The following GALNT10 variants were observed in gnomAD, a reference collection of about 807,000 sequenced individuals.
The protein encoded by GALNT10 is polypeptide N-acetylgalactosaminyltransferase 10.
In GALNT10, 41 loss-of-function variants were observed where a neutral mutation model predicts 75.0. The observed-to-expected ratio is 0.55, with a 90% CI of 0.43 to 0.71. The LOEUF (loss-of-function observed/expected upper bound fraction) is 0.71, where lower values mean the gene tolerates loss of function less well. Ranked by LOEUF, GALNT10 falls within the 30% of genes least tolerant of loss-of-function variation. GALNT10 has a pLI of 0.00. For missense variants in GALNT10, 727 were observed against 818.5 expected (o/e 0.89, Z 1.36); for synonymous variants, 302 against 313.0 (o/e 0.96, Z 0.37).
At chr5:154,253,985 C>T (rs905539444) in intron 1 of GALNT10, among the ~76,000 whole-genome samples, 5 of 152,268 alleles carry the variant, frequency 3.3e-5, no homozygotes, top group East Asian at 3.9e-4. Flanking sequence ...TACACTCACC[C>T]ATTACTGCAT....
At chr5:154,273,591 A>C (rs1027973242) in intron 1 of GALNT10, among the ~76,000 whole-genome samples, 1 of 152,168 alleles carries the variant, frequency 6.6e-6, no homozygotes, top group African/African-American at 2.4e-5. Context: ...CAGTTTGTTT[A>C]TTAAAAAATC....
At chr5:154,354,006 T>A (rs1486888131) in intron 4 of GALNT10, among the ~76,000 whole-genome samples, 1 of 152,224 alleles carries the variant, frequency 6.6e-6, no homozygotes, top group Non-Finnish European at 1.5e-5. Flanking sequence ...AATTAATGAA[T>A]AGGTATGAGA....
intron 3 of GALNT10, among the ~76,000 whole-genome samples, chr5:154,321,631 G>A (rs735180): frequency 0.73 from 110,812 of 151,994 alleles, 40,843 homozygotes; most frequent in Admixed American, 0.83. Context: ...GCCACCCCCA[G>A]AACTTGTTAC....
chr5:154,359,386 G>A (rs979855355), intron 4 of GALNT10, among the ~76,000 whole-genome samples: 12 of 152,058 alleles, frequency 7.9e-5, no homozygotes, highest in African/African-American at 1.2e-4. Context: ...TGCTCAGCCC[G>A]ATTTTGATGG....
At chr5:154,225,103 T>G (rs1407757475) in intron 1 of GALNT10, among the ~76,000 whole-genome samples, 1 of 148,518 alleles carries the variant, frequency 6.7e-6, no homozygotes, top group Non-Finnish European at 1.5e-5. Context: ...TTTTTGTTTG[T>G]TTTTTTTTAG....
At chr5:154,345,110 A>G (rs1755100424) in intron 4 of GALNT10, among the ~76,000 whole-genome samples, 1 of 152,178 alleles carries the variant, frequency 6.6e-6, no homozygotes, top group Admixed American at 6.5e-5. Context: ...CTGACTTAAT[A>G]TAATGAGCCA....
At chr5:154,288,059 C>T (rs1754139306) in intron 1 of GALNT10, among the ~76,000 whole-genome samples, 1 of 151,942 alleles carries the variant, frequency 6.6e-6, no homozygotes, top group Admixed American at 6.6e-5. Flanking sequence ...CATTTCATTG[C>T]CTTTGTAGGG....
At chr5:154,263,839 C>T (rs889659710) in intron 1 of GALNT10, among the ~76,000 whole-genome samples, 7 of 152,026 alleles carry the variant, frequency 4.6e-5, no homozygotes, top group African/African-American at 1.7e-4. Context: ...ATATGAATTC[C>T]AGAGGGGACA....
chr5:154,200,825 A>G (rs1476308388), intron 1 of GALNT10, among the ~76,000 whole-genome samples: 1 of 152,218 alleles, frequency 6.6e-6, no homozygotes, highest in African/African-American at 2.4e-5. Flanking sequence ...CCTGTGGGCC[A>G]GATGCAGCCC....
At chr5:154,262,268 A>T (rs1753710346) in intron 1 of GALNT10, among the ~76,000 whole-genome samples, 1 of 152,116 alleles carries the variant, frequency 6.6e-6, no homozygotes, top group African/African-American at 2.4e-5. Flanking sequence ...CAATGCAGGG[A>T]ATTTGGCTAA....
chr5:154,228,767 G>A (rs1479139238), intron 1 of GALNT10, among the ~76,000 whole-genome samples: 1 of 152,234 alleles, frequency 6.6e-6, no homozygotes, highest in African/African-American at 2.4e-5. Flanking sequence ...TGTTCTCTGT[G>A]TCCTGTGTTC....
chr5:154,191,442 C>A (rs1358179522), intron 1 of GALNT10, among the ~76,000 whole-genome samples: 12 of 144,902 alleles, frequency 8.3e-5, no homozygotes, highest in African/African-American at 2.4e-4. Flanking sequence ...CCCACCCCCC[C>A]CCCCCCACAA....
rs1754310261 is a variant in GALNT10 at position 154,298,204 on chromosome 5, T to A, written c.401+125T>A. 1 of 848,050 alleles carries A rather than the reference T, an allele frequency of 1.2e-6. No homozygotes were observed. Among genetic ancestry groups the A allele is most frequent in the Non-Finnish European group, 1.9e-6 (1 of 523,734 alleles). 52.5% of individuals were successfully genotyped at this position (848,050 alleles called of 1,614,324 possible). A position where few individuals can be genotyped will look rare whatever the true frequency, so the allele number is the denominator to read the frequency against. On this transcript the variant is annotated intron_variant, in intron 3 of 11. Coordinates refer to ENST00000297107, the MANE Select transcript of GALNT10 (RefSeq NM_198321.4). This position sits in a 1 kb window ranked among gnomAD's most constrained non-coding sequence, Gnocchi z 4.1. The stretch of plus-strand genomic sequence containing the variant: ...AGACACCCTCCTCTTTCACAGGCAT[T>A]TGTGCAAAGGTTCATGGTGTTGAGG...
In GALNT10 at chr5:154,190,927, C is replaced by A; in HGVS notation, c.61C>A (p.Leu21Ile). 1 of 1,505,308 alleles carries A rather than the reference C, an allele frequency of 6.6e-7. No individual in the cohort carries two copies. The highest frequency in any genetic ancestry group is 8.9e-7 in the Non-Finnish European group (1 of 1,128,982). The allele number at this position is 1,505,308 out of a possible 1,614,324, so 93.2% of individuals were successfully genotyped here. Residue 21 changes from leucine to isoleucine, a missense_variant, in exon 1 of 12, where the codon CTC (leucine) becomes ATC (isoleucine). Leu to Ile is a conservative substitution (Grantham distance 5). Coordinates refer to ENST00000297107, the MANE Select transcript of GALNT10 (RefSeq NM_198321.4). Reference sequence around the variant, plus strand: ...GGCGCTGGTGCTGGCGGCCCTGGTCCTCCTGCCCAACGTGGGGCTTTGGGC... The same window carrying A: ...GGCGCTGGTGCTGGCGGCCCTGGTCATCCTGCCCAACGTGGGGCTTTGGGC... ...AVALVLAALVLLPNVGLWALY... is the reference protein window; with the variant it reads ...AVALVLAALVILPNVGLWALY...
intron 1 of GALNT10, among the ~76,000 whole-genome samples, chr5:154,241,579 C>A (rs1187388660): frequency 9.2e-5 from 14 of 151,830 alleles, no homozygotes; most frequent in Admixed American, 9.2e-4. Context: ...TCCATAAATA[C>A]ATATAATTAT....
At chr5:154,297,189 CCTT>C (rs1754289738) in intron 2 of GALNT10, among the ~76,000 whole-genome samples, 1 of 152,178 alleles carries the variant, frequency 6.6e-6, no homozygotes, top group African/African-American at 2.4e-5. Context: ...GTATCACACT[CCTT>C]CTCCAGATGG....
intron 1 of GALNT10, among the ~76,000 whole-genome samples, chr5:154,293,504 C>T (rs1354522542): frequency 1.3e-5 from 2 of 151,688 alleles, no homozygotes; most frequent in Admixed American, 6.6e-5. Flanking sequence ...GAAACTGCTT[C>T]CTAATGGGCG....
chr5:154,230,967 G>A (rs577877647), intron 1 of GALNT10, among the ~76,000 whole-genome samples: 12 of 152,312 alleles, frequency 7.9e-5, no homozygotes, highest in African/African-American at 2.9e-4. Context: ...TCACAGAGAT[G>A]GCAAGGCATA....
At chr5:154,253,056 T>G (rs2113018111) in intron 1 of GALNT10, among the ~76,000 whole-genome samples, 1 of 151,396 alleles carries the variant, frequency 6.6e-6, no homozygotes, top group South Asian at 2.1e-4. Context: ...GTTTTTTTTC[T>G]TTTATTTCTA....
Sources: gnomAD v4.1 joint callset for allele counts (sites outside exome capture counted in the v4.1 genomes callset) on GRCh38, gnomAD v4.1.1 for gene constraint, Gnocchi (gnomAD v3.1) non-coding constraint, MANE v1.5 for transcripts, NCBI Gene and HGNC (gene_info 2026-07-23, HGNC 2026-07-21) for gene names.